Variants in ACACA observed in about 807,000 individuals in gnomAD.
The protein encoded by ACACA is acetyl-CoA carboxylase 1.
Under a neutral mutation model 296.1 loss-of-function variants are expected in ACACA, and 103 were observed. The ratio of observed to expected loss-of-function variants is 0.35; its 90% CI spans 0.30 to 0.41. ACACA has a LOEUF of 0.41. Ranked by LOEUF, ACACA falls within the 10% of genes least tolerant of loss-of-function variation. The pLI, the probability that ACACA is intolerant of heterozygous loss-of-function variation, is 1.00. For synonymous variants in ACACA, 953 were observed against 1,038.6 expected, an observed-to-expected ratio of 0.92 and a Z score of 1.58; for missense variants, 1,554 against 2,989.7, an observed-to-expected ratio of 0.52 and a Z score of 11.20.
intron 3 of ACACA, among the ~76,000 whole-genome samples, chr17:37,322,227 C>A (rs1353680137): frequency 6.6e-6 from 1 of 152,118 alleles, no homozygotes; most frequent in Non-Finnish European, 1.5e-5. Flanking sequence ...ATACTTTCTC[C>A]TTCCAAAGCA....
At chr17:37,328,751 T>A (rs2047729615) in intron 3 of ACACA, 1 of 396,834 alleles carries the variant, frequency 2.5e-6, no homozygotes, top group Admixed American at 4.4e-5. Context: ...GCCAAGATAG[T>A]AACAGCAACA....
chr17:37,315,466 T>C (rs79313122), intron 3 of ACACA, among the ~76,000 whole-genome samples: 19,238 of 152,166 alleles, frequency 0.13, 1,838 homozygotes, highest in East Asian at 0.45. Context: ...TACCCAGAGT[T>C]AGCACAGATC....
intron 9 of ACACA, among the ~76,000 whole-genome samples, chr17:37,271,118 A>G (rs1162243982): frequency 3.9e-5 from 6 of 152,258 alleles, no homozygotes; most frequent in Admixed American, 2.6e-4. Context: ...GGTTCAATCT[A>G]AAGTAATGTC....
intron 1 of ACACA, among the ~76,000 whole-genome samples, chr17:37,370,041 C>T (rs77950993): frequency 7.0e-6 from 1 of 143,842 alleles, no homozygotes; most frequent in Non-Finnish European, 1.5e-5. Context: ...CAGAGTCTCA[C>T]TCTGTCACCA....
intron 46 of ACACA, among the ~76,000 whole-genome samples, chr17:37,129,691 CAA>C (rs2074997060): frequency 6.6e-6 from 1 of 152,116 alleles, no homozygotes. Context: ...GAGGCTGGCA[CAA>C]AGTGGTGTGT....
chr17:37,094,176 C>G (rs1227757931), intron 54 of ACACA, among the ~76,000 whole-genome samples: 1 of 152,160 alleles, frequency 6.6e-6, no homozygotes, highest in Non-Finnish European at 1.5e-5. Flanking sequence ...TGCTTTGCTT[C>G]TGCCTGCAGT....
intron 43 of ACACA, among the ~76,000 whole-genome samples, chr17:37,153,829 A>G (rs773356682): frequency 2.0e-4 from 31 of 152,188 alleles, no homozygotes; most frequent in Non-Finnish European, 3.8e-4. Context: ...GGCAAAACCT[A>G]TATGAAGAAA....
chr17:37,371,618 G>C, intron 1 of ACACA, among the ~76,000 whole-genome samples: 1 of 151,938 alleles, frequency 6.6e-6, no homozygotes, highest in East Asian at 1.9e-4. Context: ...AAACGGCCGC[G>C]GCCAGGCCGA....
chr17:37,383,751 C>T (rs556882462), intron 1 of ACACA, among the ~76,000 whole-genome samples: 79 of 152,194 alleles, frequency 5.2e-4, no homozygotes, highest in African/African-American at 1.9e-3. Context: ...GCCATTTTGG[C>T]CAGGCTGGTC....
chr17:37,210,751 CAA>C (rs57591064), intron 29 of ACACA, among the ~76,000 whole-genome samples: 10,510 of 72,048 alleles, frequency 0.15, 547 homozygotes, highest in East Asian at 0.4. Context: ...GCTCTATTAC[CAA>C]AAAAAAAAAA....
At chr17:37,195,370 G>A (rs1378712879) in intron 35 of ACACA, among the ~76,000 whole-genome samples, 1 of 151,984 alleles carries the variant, frequency 6.6e-6, no homozygotes, top group Non-Finnish European at 1.5e-5. Context: ...GTAACTGAAA[G>A]GCATATAAAG....
intron 3 of ACACA, among the ~76,000 whole-genome samples, chr17:37,295,000 A>G (rs997318367): frequency 1.3e-5 from 2 of 152,346 alleles, no homozygotes; most frequent in East Asian, 1.9e-4. Context: ...CTGTTCCACT[A>G]GAGTGATAGC....
In ACACA at chr17:37,378,603, C is replaced by T. The variant is rs188470274; in HGVS notation, c.38+27659G>A. 1.6e-3 allele frequency among the ~76,000 whole-genome samples: 249 copies of T among 152,294 alleles called. 1 individual carries two copies. Among genetic ancestry groups the T allele is most frequent in the Non-Finnish European group, 2.2e-3 (152 of 68,028 alleles). ...TGGTGCACGCCTGTAACCCCAGCTA[C>T]CTGGGAGGCTGAGGCAGGAGAATCA... On this transcript the variant is annotated intron_variant, in intron 1 of 55. Transcript: ENST00000616317.
At chr17:37,166,400 A>G (rs1184068845) in intron 41 of ACACA, among the ~76,000 whole-genome samples, 1 of 152,100 alleles carries the variant, frequency 6.6e-6, no homozygotes, top group Non-Finnish European at 1.5e-5. Flanking sequence ...CGGCCTCCCA[A>G]AATGCTGGGA....
At chr17:37,246,768 G>A (rs2080726202) in intron 19 of ACACA, 58 bp downstream of exon 19, 1 of 1,600,016 alleles carries the variant, frequency 6.2e-7, no homozygotes, top group Non-Finnish European at 8.5e-7. Flanking sequence ...GTCCATCCCA[G>A]CCGACCCTTT....
intron 1 of ACACA, among the ~76,000 whole-genome samples, chr17:37,399,885 T>C (rs2051222588): frequency 6.6e-6 from 1 of 152,174 alleles, no homozygotes; most frequent in Non-Finnish European, 1.5e-5. Context: ...TTATTTTATT[T>C]AATTTACTTA....
At chr17:37,274,120 G>A in intron 9 of ACACA, 73 bp downstream of exon 9, 1 of 1,314,044 alleles carries the variant, frequency 7.6e-7, no homozygotes, top group Non-Finnish European at 1.1e-6. Context: ...TCACGAGCCA[G>A]GCTCCCAATC....
chr17:37,359,070 A>T (rs2049281596), intron 1 of ACACA: 1 of 985,712 alleles, frequency 1.0e-6, no homozygotes, highest in African/African-American at 1.7e-5. Flanking sequence ...GCGGGAGGAG[A>T]CGCCGGCGGC....
intron 1 of ACACA, among the ~76,000 whole-genome samples, chr17:37,351,085 C>T (rs568243621): frequency 8.5e-5 from 13 of 152,062 alleles, no homozygotes; most frequent in African/African-American, 2.4e-4. Context: ...GATTGCAGTG[C>T]GCTGAGATCG....
Sources: gnomAD v4.1 joint callset for allele counts (sites outside exome capture counted in the v4.1 genomes callset) on GRCh38, gnomAD v4.1.1 for gene constraint, MANE v1.5 for transcripts, NCBI Gene and HGNC (gene_info 2026-07-23, HGNC 2026-07-21) for gene names.